STRBP: variants seen among roughly 807,000 people sequenced by gnomAD.
The protein encoded by STRBP is spermatid perinuclear RNA binding protein, also known as spermatid perinuclear RNA-binding protein.
STRBP carries 13 observed loss-of-function variants against 80.1 expected under a neutral mutation model. That is an observed-to-expected ratio of 0.16 (90% CI 0.11 to 0.26). The LOEUF (loss-of-function observed/expected upper bound fraction) is 0.26, where lower values mean the gene tolerates loss of function less well. Ranked by LOEUF, STRBP falls within the 10% of genes least tolerant of loss-of-function variation. STRBP has a pLI of 1.00. For missense variants in STRBP, 485 were observed against 815.2 expected, an observed-to-expected ratio of 0.59 and a Z score of 4.93; for synonymous variants, 284 against 291.2, an observed-to-expected ratio of 0.98 and a Z score of 0.25.
At chr9:123,198,767 A>G (rs148572065) in intron 2 of STRBP, among the ~76,000 whole-genome samples, 403 of 152,230 alleles carry the variant, frequency 2.6e-3, no homozygotes, top group African/African-American at 8.6e-3. Context: ...TGATTTTTGT[A>G]TATAGTGAGA....
chr9:123,189,664 AG>A (rs2038848280), intron 2 of STRBP, among the ~76,000 whole-genome samples: 1 of 151,586 alleles, frequency 6.6e-6, no homozygotes. Flanking sequence ...TCTTGGACAT[AG>A]GGCAGGGAAC....
intron 4 of STRBP, among the ~76,000 whole-genome samples, chr9:123,177,529 C>A (rs2132446271): frequency 6.6e-6 from 1 of 152,132 alleles, no homozygotes; most frequent in Non-Finnish European, 1.5e-5. Context: ...GCTATGATCA[C>A]ACTACTACGC....
intron 1 of STRBP, among the ~76,000 whole-genome samples, chr9:123,238,350 C>T (rs2040615301): frequency 6.6e-6 from 1 of 152,240 alleles, no homozygotes. Flanking sequence ...ATCAATAAGG[C>T]TAGCAGAATG....
Position 123,136,117 on chromosome 9 carries a change from G to A in STRBP, c.1697C>T (p.Ala566Val), listed in dbSNP as rs1446771638. The stretch of plus-strand genomic sequence containing the variant: ...CAGTTTCTCCAAGGCAGCTAAAGCT[G>A]CACTCGCCTTTGCCACTTTCTTATT... ...GPNKKVAKAS[A>V]ALAALEKLFS... The change falls in exon 16 of 19, where the codon GCA becomes GTA. Residue 566 changes from alanine (A) to valine (V), a missense_variant. Around this residue, in one of 3 missense-constraint regions of STRBP, gnomAD observed 23 missense variants for 79.0 expected, o/e 0.29. Coordinates refer to ENST00000348403, the MANE Select transcript of STRBP (RefSeq NM_018387.5). This position sits in a 1 kb window ranked among gnomAD's most constrained non-coding sequence, Gnocchi z 4.2. 6.2e-7 allele frequency: 1 copy of A among 1,614,072 alleles called. No individual in the cohort carries two copies. Among genetic ancestry groups the A allele is most frequent in the Non-Finnish European group, 8.5e-7 (1 of 1,180,036 alleles).
chr9:123,158,070 G>A lies in STRBP; in HGVS notation c.987C>T (p.Asp329=). The part of the protein sequence containing the change: ...FGQIYKVLEM[D]PLPSSKPFQK... ...GAAAAGGCTTACTAGATGGAAGGGGGTCCATCTCCAGCACTTTGTAAATCT... is the reference window on the plus strand; with the variant it reads ...GAAAAGGCTTACTAGATGGAAGGGGATCCATCTCCAGCACTTTGTAAATCT... The change falls in exon 11 of 19, where the codon GAC becomes GAT. Residue 329 remains aspartate (D), a synonymous_variant. Transcript: ENST00000348403. The A allele has an allele frequency of 6.2e-7, 1 of 1,609,588 alleles. No individual in the cohort carries two copies. Among genetic ancestry groups the A allele is most frequent in the Non-Finnish European group, 8.5e-7 (1 of 1,178,582 alleles).
At chr9:123,214,143 TATACACAC>T (rs1330093177) in intron 2 of STRBP, among the ~76,000 whole-genome samples, 3 of 124,922 alleles carry the variant, frequency 2.4e-5, no homozygotes, top group Non-Finnish European at 4.8e-5. Flanking sequence ...TATATATATG[TATACACAC>T]ACACACACAC....
intron 3 of STRBP, chr9:123,112,956 C>T (rs979468617): frequency 1.2e-5 from 2 of 167,098 alleles, no homozygotes; most frequent in African/African-American, 4.8e-5. Context: ...ATCCTGCCCT[C>T]GTACGTGAAT....
intron 1 of STRBP, among the ~76,000 whole-genome samples, chr9:123,250,432 A>AATATCAAC (rs1280413830): frequency 6.6e-6 from 1 of 152,234 alleles, no homozygotes; most frequent in African/African-American, 2.4e-5. Flanking sequence ...ATTTCCGATA[A>AATATCAAC]ATATCAACAG....
Position 123,132,900 on chromosome 9 carries a change from A to T in STRBP, c.1842T>A (p.Thr614=), listed in dbSNP as rs756672951. Residue 614 remains threonine (T), a synonymous_variant, in exon 17 of 19, where the codon ACT becomes ACA. Transcript: ENST00000348403. ...CCCCAACAAAAGCTCCCCTTGTTAG[A>T]GTTCCTCTTCCTCTGCCCCGAACAG... ...VQAVRGRGRG[T]LTRGAFVGAT... is the part of the protein sequence containing the mutation. 46 of 1,614,014 alleles carry T rather than the reference A, an allele frequency of 2.9e-5. No homozygotes were observed. In the East Asian group the frequency reaches 1.0e-3, roughly 35 times the overall value.
chr9:123,203,876 G>A (rs1046178647), intron 2 of STRBP, among the ~76,000 whole-genome samples: 2 of 152,126 alleles, frequency 1.3e-5, no homozygotes, highest in African/African-American at 2.4e-5. Flanking sequence ...GGAGTCTGAG[G>A]CAGGAGAACT....
chr9:123,151,923 AATC>A (rs2037073297), intron 11 of STRBP, among the ~76,000 whole-genome samples: 1 of 152,088 alleles, frequency 6.6e-6, no homozygotes, highest in Non-Finnish European at 1.5e-5. Flanking sequence ...TAAAAATAAT[AATC>A]CCCTAGGTGA....
rs567413653 is a variant in STRBP, at chr9:123,237,998, CG to C, written c.-301-1033del. ...CTTGCCACCTGTGTAACCTTGAGAT[CG>C]GAACTTAACCTTTCTGTCTCTGTAA... On this transcript the variant is annotated intron_variant, in intron 1 of 18. Transcript: ENST00000348403. Among the ~76,000 whole-genome samples the C allele has an allele frequency of 2.5e-3, 379 of 152,266 alleles. 3 individuals are homozygous for C. Among genetic ancestry groups the C allele is most frequent in the South Asian group, 4.8e-3 (23 of 4,824 alleles).
At chr9:123,248,320 C>T (rs934799007) in intron 1 of STRBP, among the ~76,000 whole-genome samples, 7 of 133,072 alleles carry the variant, frequency 5.3e-5, no homozygotes, top group Non-Finnish European at 7.6e-5. Flanking sequence ...CAGGCTAGAG[C>T]GCAATGGCAC....
chr9:123,202,486 A>T (rs1403866436), intron 2 of STRBP, among the ~76,000 whole-genome samples: 1 of 152,174 alleles, frequency 6.6e-6, no homozygotes, highest in Admixed American at 6.5e-5. Flanking sequence ...TGGGATAAAA[A>T]ATTCTTGGCT....
intron 2 of STRBP, among the ~76,000 whole-genome samples, chr9:123,224,410 T>A (rs1588127170): frequency 1.3e-5 from 2 of 152,326 alleles, no homozygotes; most frequent in Non-Finnish European, 2.9e-5. Flanking sequence ...TCACCTGACT[T>A]AATTCAATCC....
intron 5 of STRBP, among the ~76,000 whole-genome samples, chr9:123,172,030 T>C (rs1451682829): frequency 6.6e-6 from 1 of 152,254 alleles, no homozygotes; most frequent in African/African-American, 2.4e-5. Flanking sequence ...GCTCTAACAA[T>C]GCCAACTAAA....
chr9:123,131,858 C>T (rs1285403786), intron 17 of STRBP, among the ~76,000 whole-genome samples: 2 of 152,164 alleles, frequency 1.3e-5, no homozygotes, highest in South Asian at 2.1e-4. Context: ...CCCAAATGGC[C>T]TAGTCTTATT....
intron 11 of STRBP, among the ~76,000 whole-genome samples, chr9:123,151,808 A>G (rs1391829642): frequency 6.6e-6 from 1 of 152,170 alleles, no homozygotes; most frequent in Non-Finnish European, 1.5e-5. Flanking sequence ...GAAAGTCATA[A>G]GGAAGGAAAA....
At chr9:123,171,959 AGACCC>A (rs1273582634) in intron 5 of STRBP, among the ~76,000 whole-genome samples, 10 of 152,206 alleles carry the variant, frequency 6.6e-5, no homozygotes, top group African/African-American at 2.4e-4. Flanking sequence ...TCATAAATAA[AGACCC>A]TCACTCAAGA....
Sources: gnomAD v4.1 joint callset for allele counts (sites outside exome capture counted in the v4.1 genomes callset) on GRCh38, gnomAD v4.1.1 for gene constraint, gnomAD v4.1.1 regional missense constraint, Gnocchi (gnomAD v3.1) non-coding constraint, MANE v1.5 for transcripts, NCBI Gene and HGNC (gene_info 2026-07-23, HGNC 2026-07-21) for gene names.